The following ASXL1 variants were observed in gnomAD, a reference collection of about 807,000 sequenced individuals.
The protein encoded by ASXL1 is ASXL transcriptional regulator 1.
Under a neutral mutation model 89.1 loss-of-function variants are expected in ASXL1, and 65 were observed. The ratio of observed to expected loss-of-function variants is 0.73; its 90% confidence interval spans 0.60 to 0.90. ASXL1 has a LOEUF of 0.90. ASXL1 is among the 40% of genes least tolerant of loss of function. ASXL1 has a pLI of 0.00. For synonymous variants in ASXL1, 739 were observed against 746.9 expected (o/e 0.99, Z 0.17); for missense variants, 1,786 against 1,942.9 (o/e 0.92, Z 1.52).
At position 32,429,880 on chromosome 20, in the gene ASXL1, A is replaced by G. The variant is rs767411027; in HGVS notation, c.566-21A>G. On this transcript the variant is annotated intron_variant, in intron 7 of 12. Coordinates refer to ENST00000375687, the MANE Select transcript of ASXL1 (RefSeq NM_015338.6). The surrounding 1 kb of genome is among the most constrained non-coding windows in gnomAD (Gnocchi z 4.9). ...GCGCGGCTTGGTGATACTTTTGACC[A>G]GTGGAATGCTGTGCCTTCAGGGTTC... 1.2e-6 allele frequency: 2 copies of G among 1,606,028 alleles called. No homozygotes were observed. The highest frequency in any genetic ancestry group is 1.3e-5 in the African/African-American group (1 of 74,802).
rs1331560134 is a variant in ASXL1 at position 32,429,566 on chromosome 20, A to G, written c.565+135A>G. On this transcript the variant is annotated intron_variant, in intron 7 of 12. Transcript: ENST00000375687. The surrounding 1 kb of genome is among the most constrained non-coding windows in gnomAD (Gnocchi z 4.9). ...CCACAGGCAAGAGCCCTGCCAATGGATGAGGCCTGCCATAGGTTCTAGTGC... is the reference window on the plus strand; with the variant it reads ...CCACAGGCAAGAGCCCTGCCAATGGGTGAGGCCTGCCATAGGTTCTAGTGC... 4 of 942,824 alleles carry G rather than the reference A, an allele frequency of 4.2e-6. No individual in the cohort carries two copies. The highest frequency in any genetic ancestry group is 6.7e-6 in the Non-Finnish European group (4 of 595,250). The allele number at this position is 942,824 out of a possible 1,614,324, so 58.4% of individuals were successfully genotyped here.
At chr20:32,376,515 A>G (rs1040895615) in intron 4 of ASXL1, among the ~76,000 whole-genome samples, 15 of 151,926 alleles carry the variant, frequency 9.9e-5, no homozygotes, top group African/African-American at 2.4e-5. Context: ...ACCTCAGGTG[A>G]TCCACCCACC....
At position 32,358,536 on chromosome 20, in the gene ASXL1, C is replaced by T. The variant is rs1416195295; in HGVS notation, c.-240C>T. 1.4e-5 allele frequency: 3 copies of T among 219,176 alleles called. No individual in the cohort carries two copies. Among genetic ancestry groups the T allele is most frequent in the Non-Finnish European group, 2.7e-5 (3 of 109,154 alleles). 13.6% of individuals were successfully genotyped at this position (219,176 alleles called of 1,614,324 possible). A position where few individuals can be genotyped will look rare whatever the true frequency, so the allele number is the denominator to read the frequency against. On this transcript the variant is annotated 5_prime_UTR_variant, in exon 1 of 13. Coordinates refer to ENST00000375687, the MANE Select transcript of ASXL1 (RefSeq NM_015338.6). ...GATCGCGGGGCAGCCGCCGCTGCCG[C>T]CGTGGGCGACTGACGCAGCGCGGGC...
intron 4 of ASXL1, among the ~76,000 whole-genome samples, chr20:32,408,910 T>G (rs930855655): frequency 3.3e-5 from 5 of 152,106 alleles, no homozygotes; most frequent in Admixed American, 6.6e-5. Context: ...TTTTATAGTT[T>G]CCAATGAGGT....
rs2123210866 is a variant in ASXL1, at chr20:32,428,358, G to A, written c.407G>A (p.Cys136Tyr). The change falls in exon 6 of 13, where the codon TGT (cysteine) becomes TAT (tyrosine). Residue 136 changes from cysteine to tyrosine, a missense_variant. By Grantham distance (194) the Cys-to-Tyr change is radical. Around this residue, in one of 3 missense-constraint regions of ASXL1, gnomAD observed 332 missense variants for 449.7 expected, o/e 0.74. Transcript: ENST00000375687. ...GATGAAACATCTTCGAACGCATCCTGTTCTACAGAATCTCAGAGTCGACCT... is the reference window on the plus strand; with the variant it reads ...GATGAAACATCTTCGAACGCATCCTATTCTACAGAATCTCAGAGTCGACCT... The part of the protein sequence containing the change: ...SLDETSSNAS[C>Y]STESQSRPLS... 1 of 1,614,174 alleles carries A rather than the reference G, an allele frequency of 6.2e-7. No homozygotes were observed. Among genetic ancestry groups the A allele is most frequent in the African/African-American group, 1.3e-5 (1 of 75,044 alleles).
chr20:32,408,928 G>A (rs572960946), intron 4 of ASXL1, among the ~76,000 whole-genome samples: 43 of 151,644 alleles, frequency 2.8e-4, no homozygotes, highest in Admixed American at 1.3e-3. Context: ...GGTCTTGCAT[G>A]CCTTAACATT....
At chr20:32,428,765 A>G (rs573288183) in intron 6 of ASXL1, 1 of 299,992 alleles carries the variant, frequency 3.3e-6, no homozygotes, top group African/African-American at 2.3e-5. Context: ...GGTTCAAGCA[A>G]TTCTCCTGCC....
At position 32,435,004 on chromosome 20, in the gene ASXL1, A is replaced by G. The variant is rs2011721850; in HGVS notation, c.2292A>G (p.Leu764=). The part of the protein sequence containing the change: ...TGDQPCQALP[L]LSSQTSVAER... Reference sequence around the variant, plus strand: ...ACCAGCCATGCCAGGCCTTGCCCCTACTGTCCTCCCAAACCTCAGTAGCTG... The same window carrying G: ...ACCAGCCATGCCAGGCCTTGCCCCTGCTGTCCTCCCAAACCTCAGTAGCTG... The change falls in exon 13 of 13, where the codon CTA becomes CTG. Residue 764 remains leucine, a synonymous_variant. Coordinates refer to ENST00000375687, the MANE Select transcript of ASXL1 (RefSeq NM_015338.6). 2 of 1,614,152 alleles carry G rather than the reference A, an allele frequency of 1.2e-6. No homozygotes were observed. Among genetic ancestry groups the G allele is most frequent in the South Asian group, 1.1e-5 (1 of 91,078 alleles).
chr20:32,366,825 C>T (rs1181696165), intron 2 of ASXL1, among the ~76,000 whole-genome samples: 2 of 152,014 alleles, frequency 1.3e-5, no homozygotes, highest in African/African-American at 4.8e-5. Flanking sequence ...TTCTCTATGC[C>T]GTATCACTGA....
Position 32,432,998 on chromosome 20 carries a change from G to A in ASXL1, c.1085+13G>A, listed in dbSNP as rs371952520. ...ACTATGGACAGAAGTAAGGCAGTTG[G>A]AGCTATGAGTCCTGGTCTGGGGTTT... On this transcript the variant is annotated intron_variant, in intron 11 of 12. Transcript: ENST00000375687. 1.1e-5 allele frequency: 17 copies of A among 1,613,260 alleles called. No homozygotes were observed. Among genetic ancestry groups the A allele is most frequent in the African/African-American group, 2.7e-5 (2 of 74,940 alleles).
rs2048047409 is a variant in ASXL1 at position 32,358,403 on chromosome 20, C to G, written c.-373C>G. 4.3e-6 allele frequency: 1 copy of G among 234,600 alleles called. No individual in the cohort carries two copies. The highest frequency in any genetic ancestry group is 8.4e-6 in the Non-Finnish European group (1 of 119,600). The allele number at this position is 234,600 out of a possible 1,614,324, so 14.5% of individuals were successfully genotyped here. ...CGAAGGGAAAGCCGCGTCTCGCCCT[C>G]CCGCCCCGCCGTCGGTCCTGTCTCA... On this transcript the variant is annotated 5_prime_UTR_variant, in exon 1 of 13. Transcript: ENST00000375687.
chr20:32,417,301 A>G (rs901868789), intron 4 of ASXL1, among the ~76,000 whole-genome samples: 6 of 152,216 alleles, frequency 3.9e-5, no homozygotes. Context: ...ACCATTAGCT[A>G]GAAAGTTTCA....
At chr20:32,425,800 G>A (rs995007726) in intron 4 of ASXL1, among the ~76,000 whole-genome samples, 2 of 152,010 alleles carry the variant, frequency 1.3e-5, no homozygotes, top group African/African-American at 4.8e-5. Context: ...TGCCTCCTTC[G>A]TTCAAGTGAT....
At chr20:32,426,128 A>G (rs545029324) in intron 4 of ASXL1, among the ~76,000 whole-genome samples, 2 of 152,314 alleles carry the variant, frequency 1.3e-5, no homozygotes, top group East Asian at 3.9e-4. Context: ...AATGTAGTTT[A>G]ATTGATTTGT....
intron 4 of ASXL1, among the ~76,000 whole-genome samples, chr20:32,422,580 ATTTTTTTTTT>A (rs11167168): frequency 1.9e-5 from 2 of 108,048 alleles, no homozygotes; most frequent in African/African-American, 7.5e-5. Context: ...GGATTGGTTA[ATTTTTTTTTT>A]TTTTTTTTTT....
rs564789368 is a variant in ASXL1, at chr20:32,414,909, G to A, written c.253-13219G>A. ...ACAGTAGGCTGTGGTTGGGGTCATAGTACTACTACTATTTGGGGAGCTTTG... is the reference window on the plus strand; with the variant it reads ...ACAGTAGGCTGTGGTTGGGGTCATAATACTACTACTATTTGGGGAGCTTTG... On this transcript the variant is annotated intron_variant, in intron 4 of 12. Transcript: ENST00000375687. Among the ~76,000 whole-genome samples the A allele has an allele frequency of 3.9e-5, 6 of 152,262 alleles. No individual in the cohort carries two copies. In the East Asian group the frequency reaches 5.8e-4, roughly 15 times the overall value.
In ASXL1 at chr20:32,438,226, T is replaced by C. The variant is rs898268352; in HGVS notation, c.*888T>C. 8.1e-5 allele frequency: 19 copies of C among 233,414 alleles called. No homozygotes were observed. The highest frequency in any genetic ancestry group is 4.0e-4 in the African/African-American group (18 of 45,340). The allele number at this position is 233,414 out of a possible 1,614,324, so 14.5% of individuals were successfully genotyped here. On this transcript the variant is annotated 3_prime_UTR_variant, in exon 13 of 13. Coordinates refer to ENST00000375687, the MANE Select transcript of ASXL1 (RefSeq NM_015338.6). ...ATATTTTTAACTCTTTATTCTTGGA[T>C]GTATAAAGTGAACTTTTTGGCTTCT...
At chr20:32,424,711 T>C (rs141243316) in intron 4 of ASXL1, among the ~76,000 whole-genome samples, 42 of 152,350 alleles carry the variant, frequency 2.8e-4, no homozygotes, top group African/African-American at 9.9e-4. Flanking sequence ...TCGTTTCTCT[T>C]GTCATTAAAT....
At chr20:32,428,092 G>A in intron 4 of ASXL1, 36 bp from the exon 5 acceptor site, 1 of 1,612,180 alleles carries the variant, frequency 6.2e-7, no homozygotes, top group African/African-American at 1.3e-5. Flanking sequence ...GAATTTGTAG[G>A]GTTTTGTTCA....
Sources: allele counts gnomAD v4.1 joint callset (sites outside exome capture counted in the v4.1 genomes callset), GRCh38; gene constraint gnomAD v4.1.1; regional missense constraint gnomAD v4.1.1; non-coding constraint Gnocchi (gnomAD v3.1); transcripts MANE v1.5; gene names NCBI Gene and HGNC (gene_info 2026-07-23, HGNC 2026-07-21).